Variants in NAALADL2 observed in about 807,000 individuals in gnomAD.
The protein encoded by NAALADL2 is inactive N-acetylated-alpha-linked acidic dipeptidase-like protein 2.
A neutral mutation model predicts 87.2 loss-of-function variants in NAALADL2; 76 were observed. The ratio of observed to expected loss-of-function variants is 0.87; its 90% CI spans 0.72 to 1.05. NAALADL2 has a LOEUF of 1.05. Among genes scored for constraint, NAALADL2 ranks in the 50% least tolerant of loss-of-function variants. The pLI is 0.00. For synonymous variants in NAALADL2, 354 were observed against 331.0 expected (o/e 1.07, Z -0.75); for missense variants, 1,089 against 945.8 (o/e 1.15, Z -1.99).
intron 5 of NAALADL2, among the ~76,000 whole-genome samples, chr3:175,398,783 A>C (rs1770169198): frequency 6.6e-6 from 1 of 152,048 alleles, no homozygotes; most frequent in Non-Finnish European, 1.5e-5. Flanking sequence ...AGAACATTTA[A>C]GTTTATTAGT....
chr3:175,485,873 A>G (rs1727189492), intron 9 of NAALADL2, among the ~76,000 whole-genome samples: 1 of 152,200 alleles, frequency 6.6e-6, no homozygotes, highest in Admixed American at 6.5e-5. Flanking sequence ...CAGAGCTCTT[A>G]GAAGAAGAGA....
At position 175,698,483 on chromosome 3, in the gene NAALADL2, T is replaced by TTATA. The variant is rs34002597; in HGVS notation, c.1897-38806_1897-38803dup. ...TGTGTATATATGTGTGTATATATATTTATATATATATATATATATAAAATC... is the reference window on the plus strand; with the variant it reads ...TGTGTATATATGTGTGTATATATATTTATATATATATATATATATATATAAAATC... On this transcript the variant is annotated intron_variant, in intron 11 of 13. Transcript: ENST00000454872. Among the ~76,000 whole-genome samples the TTATA allele has an allele frequency of 7.8e-3, 526 of 67,672 alleles. 8 individuals are homozygous for TTATA. Among genetic ancestry groups the TTATA allele is most frequent in the African/African-American group, 0.043 (476 of 11,002 alleles). The allele number at this position is 67,672 out of a possible 152,430, so 44.4% of individuals were successfully genotyped here. A position where few individuals can be genotyped will look rare whatever the true frequency, so the allele number is the denominator to read the frequency against.
At chr3:175,307,406 C>G (rs1757850943) in intron 4 of NAALADL2, among the ~76,000 whole-genome samples, 1 of 151,878 alleles carries the variant, frequency 6.6e-6, no homozygotes, top group Non-Finnish European at 1.5e-5. Flanking sequence ...TGGGGCAGTC[C>G]TAGTAAGTAT....
chr3:175,037,329 C>T (rs1353536509), intron 1 of NAALADL2, among the ~76,000 whole-genome samples: 1 of 152,030 alleles, frequency 6.6e-6, no homozygotes, highest in Non-Finnish European at 1.5e-5. Context: ...TACAGCTGTA[C>T]CCTAGAAGAA....
At position 175,463,426 on chromosome 3, in the gene NAALADL2, TCAGA is replaced by T; in HGVS notation, c.1264_1267del (p.Thr422SerfsTer4). On this transcript the variant is annotated frameshift_variant, in exon 7 of 14. Transcript: ENST00000454872. LOFTEE classifies it high-confidence loss of function. ...AAATAAGAGTCGTCAGCATGCAAGTTCAGACAGTCACAAAATTGAAAACAGTTAC... is the reference window on the plus strand; with the variant it reads ...AAATAAGAGTCGTCAGCATGCAAGTTCAGTCACAAAATTGAAAACAGTTAC... 1 of 1,596,522 alleles carries T rather than the reference TCAGA, an allele frequency of 6.3e-7. No individual in the cohort carries two copies. Among genetic ancestry groups the T allele is most frequent in the Non-Finnish European group, 8.5e-7 (1 of 1,170,484 alleles).
intron 11 of NAALADL2, among the ~76,000 whole-genome samples, chr3:175,667,473 A>G (rs1733351789): frequency 6.6e-6 from 1 of 152,126 alleles, no homozygotes; most frequent in African/African-American, 2.4e-5. Flanking sequence ...GAGGTGGAGA[A>G]GGTGGCTGAA....
chr3:175,246,763 T>C (rs1364176235), intron 3 of NAALADL2, among the ~76,000 whole-genome samples: 1 of 152,186 alleles, frequency 6.6e-6, no homozygotes, highest in Non-Finnish European at 1.5e-5. Flanking sequence ...GGAATGCAAG[T>C]TTCCAAAATC....
intron 9 of NAALADL2, among the ~76,000 whole-genome samples, chr3:175,480,994 A>T (rs547266582): frequency 6.6e-5 from 10 of 152,028 alleles, no homozygotes; most frequent in Non-Finnish European, 1.5e-4. Flanking sequence ...AGAGAGAAAC[A>T]CTGAGAACAT....
At position 175,795,958 on chromosome 3, in the gene NAALADL2, C is replaced by T. The variant is rs1016672675; in HGVS notation, c.2190-7047C>T. On this transcript the variant is annotated intron_variant, in intron 13 of 13. Coordinates refer to ENST00000454872, the MANE Select transcript of NAALADL2 (RefSeq NM_207015.3). Reference sequence around the variant, plus strand: ...CCTCTGCTGTGAAGTTGTCTTGGGGCTAGCTAGTAAAGGAAAACCTCTACT... The same window carrying T: ...CCTCTGCTGTGAAGTTGTCTTGGGGTTAGCTAGTAAAGGAAAACCTCTACT... Among the ~76,000 whole-genome samples the T allele has an allele frequency of 3.3e-5, 5 of 151,902 alleles. No homozygotes were observed. In the South Asian group the frequency reaches 1.0e-3, roughly 32 times the overall value.
chr3:174,697,367 C>G (rs1038455874), intron 2 of NAALADL2, among the ~76,000 whole-genome samples: 14 of 152,250 alleles, frequency 9.2e-5, no homozygotes, highest in Middle Eastern at 3.4e-3. Flanking sequence ...CTGGAAAATT[C>G]TGTTAAAAGT....
chr3:175,036,198 T>G (rs1753384550), intron 1 of NAALADL2, among the ~76,000 whole-genome samples: 1 of 152,104 alleles, frequency 6.6e-6, no homozygotes, highest in Non-Finnish European at 1.5e-5. Flanking sequence ...TTAACTTCGT[T>G]TATCTTTTTC....
chr3:174,717,623 T>A (rs970954713), intron 2 of NAALADL2, among the ~76,000 whole-genome samples: 5 of 152,192 alleles, frequency 3.3e-5, no homozygotes, highest in African/African-American at 9.6e-5. Context: ...GTATAGTAAT[T>A]ACATTTTAAG....
At chr3:175,629,145 C>T (rs1290566866) in intron 11 of NAALADL2, among the ~76,000 whole-genome samples, 1 of 147,878 alleles carries the variant, frequency 6.8e-6, no homozygotes, top group African/African-American at 2.5e-5. Flanking sequence ...TATATATGGA[C>T]ATATATATCA....
At chr3:174,586,929 AC>A (rs2108573946) in intron 2 of NAALADL2, among the ~76,000 whole-genome samples, 1 of 151,934 alleles carries the variant, frequency 6.6e-6, no homozygotes, top group African/African-American at 2.4e-5. Flanking sequence ...GGTGTGCTGC[AC>A]CCGTTAACTC....
At chr3:175,379,716 T>C (rs1440458789) in intron 5 of NAALADL2, among the ~76,000 whole-genome samples, 1 of 152,048 alleles carries the variant, frequency 6.6e-6, no homozygotes, top group Non-Finnish European at 1.5e-5. Context: ...ACAGTCCACA[T>C]CTTAATTCCC....
intron 2 of NAALADL2, among the ~76,000 whole-genome samples, chr3:174,583,817 G>A (rs181670585): frequency 5.9e-5 from 9 of 152,188 alleles, no homozygotes; most frequent in Non-Finnish European, 8.8e-5. Context: ...AAAAAACAGT[G>A]GGATATTACA....
intron 5 of NAALADL2, among the ~76,000 whole-genome samples, chr3:175,404,070 A>G (rs1472744727): frequency 6.6e-6 from 1 of 152,142 alleles, no homozygotes; most frequent in Non-Finnish European, 1.5e-5. Context: ...GATGGCATAT[A>G]TTAAAACATC....
rs1576886287 is a variant in NAALADL2 at position 175,806,726 on chromosome 3, C to T, written c.*3523C>T. The T allele has an allele frequency of 8.1e-6, 1 of 123,444 alleles. No homozygotes were observed. Among genetic ancestry groups the T allele is most frequent in the Non-Finnish European group, 1.7e-5 (1 of 59,362 alleles). The allele number at this position is 123,444 out of a possible 1,614,324, so 7.6% of individuals were successfully genotyped here. ...TTTTTTTTTTTTTTAATTCCCACAA[C>T]AACCCATTTCAAAATGAGAAAACTA... On this transcript the variant is annotated 3_prime_UTR_variant, in exon 14 of 14. Transcript: ENST00000454872.
chr3:175,766,567 A>G (rs913936369), intron 13 of NAALADL2, among the ~76,000 whole-genome samples: 2 of 152,198 alleles, frequency 1.3e-5, no homozygotes, highest in Non-Finnish European at 2.9e-5. Context: ...GGGGGAAGAA[A>G]AATAATGAAA....
Sources: gnomAD v4.1 joint callset for allele counts (sites outside exome capture counted in the v4.1 genomes callset) on GRCh38, gnomAD v4.1.1 for gene constraint, MANE v1.5 for transcripts, NCBI Gene and HGNC (gene_info 2026-07-23, HGNC 2026-07-21) for gene names.